BCR: variants seen among roughly 807,000 people sequenced by gnomAD.
BCR encodes BCR activator of RhoGEF and GTPase.
BCR carries 58 observed loss-of-function variants against 138.6 expected under a neutral mutation model. The ratio of observed to expected loss-of-function variants is 0.42; its 90% CI spans 0.34 to 0.52. The LOEUF (loss-of-function observed/expected upper bound fraction) is 0.52, where lower values mean the gene tolerates loss of function less well. BCR is among the 20% of genes least tolerant of loss of function. The pLI is 0.06. For missense variants in BCR, 1,599 were observed against 1,727.2 expected (o/e 0.93, Z 1.32); for synonymous variants, 786 against 730.1 (o/e 1.08, Z -1.23).
At chr22:23,196,432 T>C (rs2072482491) in intron 1 of BCR, among the ~76,000 whole-genome samples, 1 of 152,160 alleles carries the variant, frequency 6.6e-6, no homozygotes, top group African/African-American at 2.4e-5. Flanking sequence ...TCCTGTTTCT[T>C]AGGGGACGAG....
chr22:23,263,916 T>C, intron 4 of BCR: 1 of 934,848 alleles, frequency 1.1e-6, no homozygotes, highest in South Asian at 1.3e-5. Flanking sequence ...GACGGCTTGT[T>C]GTGGGCACTT....
intron 1 of BCR, among the ~76,000 whole-genome samples, chr22:23,219,278 C>A (rs139125562): frequency 6.6e-6 from 1 of 152,178 alleles, no homozygotes; most frequent in East Asian, 1.9e-4. Context: ...AGCGTGCCCA[C>A]CAAAGACACT....
intron 1 of BCR, among the ~76,000 whole-genome samples, chr22:23,183,739 G>A (rs1418744545): frequency 1.3e-5 from 2 of 152,208 alleles, no homozygotes; most frequent in Non-Finnish European, 2.9e-5. Flanking sequence ...AAGAAAATGA[G>A]AGGTTTTTAG....
intron 1 of BCR, among the ~76,000 whole-genome samples, chr22:23,185,649 G>A (rs1003985892): frequency 3.3e-5 from 5 of 150,950 alleles, no homozygotes; most frequent in South Asian, 2.1e-4. Context: ...CTGGGCGACA[G>A]AGCGAGACAC....
intron 1 of BCR, among the ~76,000 whole-genome samples, chr22:23,246,073 G>A (rs1017483195): frequency 6.6e-6 from 1 of 152,172 alleles, no homozygotes; most frequent in Middle Eastern, 3.4e-3. Context: ...CATATTTCCC[G>A]TAGCATCATG....
At position 23,268,380 on chromosome 22, in the gene BCR, CCACTCTCT is replaced by C. The variant is rs1449628189; in HGVS notation, c.1753-26_1753-19del. 2 of 1,560,694 alleles carry C rather than the reference CCACTCTCT, an allele frequency of 1.3e-6. No homozygotes were observed. Among genetic ancestry groups the C allele is most frequent in the Non-Finnish European group, 1.8e-6 (2 of 1,142,834 alleles). ...AGATGGGGGAGCAGCAGCACCTGTC[CCACTCTCT>C]CTTCCTTCCTCCCCCTCAGGCCAGC... On this transcript the variant is annotated intron_variant, in intron 4 of 22. Coordinates refer to ENST00000305877, the MANE Select transcript of BCR (RefSeq NM_004327.4).
intron 8 of BCR, among the ~76,000 whole-genome samples, chr22:23,276,857 A>T (rs1291247901): frequency 6.6e-6 from 1 of 152,242 alleles, no homozygotes; most frequent in Non-Finnish European, 1.5e-5. Flanking sequence ...CTACCAGTGT[A>T]CTGATTTGGG....
At chr22:23,198,803 G>A (rs2072512755) in intron 1 of BCR, among the ~76,000 whole-genome samples, 1 of 152,164 alleles carries the variant, frequency 6.6e-6, no homozygotes, top group Non-Finnish European at 1.5e-5. Context: ...CCCTGGAGCA[G>A]CTGGTGAGGT....
At chr22:23,254,460 AAGG>A in intron 2 of BCR, 1 of 517,816 alleles carries the variant, frequency 1.9e-6, no homozygotes, top group Non-Finnish European at 3.9e-6. Flanking sequence ...CCACTTTACA[AAGG>A]TGAAACTGAA....
chr22:23,235,400 C>T (rs1371024297), intron 1 of BCR, among the ~76,000 whole-genome samples: 4 of 144,782 alleles, frequency 2.8e-5, no homozygotes, highest in Non-Finnish European at 6.3e-5. Flanking sequence ...TCCGAATTCC[C>T]TGAAAGCAGC....
chr22:23,240,302 CGTGT>C (rs200491524), intron 1 of BCR, among the ~76,000 whole-genome samples: 9,128 of 144,024 alleles, frequency 0.063, 438 homozygotes, highest in African/African-American at 0.13. Context: ...CCTGGCTGAT[CGTGT>C]GTGTGTGTGT....
chr22:23,254,570 C>CA (rs764338675), intron 2 of BCR: 2 of 455,058 alleles, frequency 4.4e-6, no homozygotes, highest in Admixed American at 2.2e-5. Context: ...TGGACCCACG[C>CA]CCCCCCTCAC....
chr22:23,299,933 T>A (rs778332058), intron 16 of BCR, among the ~76,000 whole-genome samples: 1 of 152,090 alleles, frequency 6.6e-6, no homozygotes, highest in South Asian at 2.1e-4. Flanking sequence ...GAGTTTGGAC[T>A]CCCACGTGCA....
At chr22:23,201,559 G>A (rs2072553873) in intron 1 of BCR, among the ~76,000 whole-genome samples, 1 of 152,170 alleles carries the variant, frequency 6.6e-6, no homozygotes, top group Non-Finnish European at 1.5e-5. Flanking sequence ...CTGGGTTCAT[G>A]CCATTCTCCT....
intron 13 of BCR, 62 bp downstream of exon 13, chr22:23,289,683 G>A: frequency 7.1e-7 from 1 of 1,400,778 alleles, no homozygotes; most frequent in Non-Finnish European, 1.0e-6. Flanking sequence ...TAGCCTGAAG[G>A]CTGATCCCCC....
At chr22:23,191,956 AG>A (rs1379741168) in intron 1 of BCR, among the ~76,000 whole-genome samples, 1 of 152,108 alleles carries the variant, frequency 6.6e-6, no homozygotes, top group Non-Finnish European at 1.5e-5. Flanking sequence ...CCGAATCCTC[AG>A]ACTGGGGCCT....
At position 23,182,106 on chromosome 22, in the gene BCR, T is replaced by TC; in HGVS notation, c.1152dup (p.Thr385HisfsTer6). 1 of 1,612,076 alleles carries TC rather than the reference T, an allele frequency of 6.2e-7. No individual in the cohort carries two copies. The highest frequency in any genetic ancestry group is 8.5e-7 in the Non-Finnish European group (1 of 1,179,960). ...CGCAACAGTCCTTCGACAGCAGCAG[T>TC]CCCCCCACGCCGCAGTGCCATAAGC... On this transcript the variant is annotated frameshift_variant, in exon 1 of 23. Transcript: ENST00000305877. LOFTEE classifies it high-confidence loss of function.
At chr22:23,294,101 G>A (rs532193152) in intron 15 of BCR, among the ~76,000 whole-genome samples, 2 of 152,208 alleles carry the variant, frequency 1.3e-5, no homozygotes, top group East Asian at 3.9e-4. Flanking sequence ...AGCGGTTTTA[G>A]GTTTGCAGCA....
At chr22:23,237,910 G>T (rs1490341871) in intron 1 of BCR, among the ~76,000 whole-genome samples, 1 of 152,226 alleles carries the variant, frequency 6.6e-6, no homozygotes, top group East Asian at 1.9e-4. Context: ...GGTTTTTCTG[G>T]AAAGGAGCGA....
Sources: gnomAD v4.1 joint callset for allele counts (sites outside exome capture counted in the v4.1 genomes callset) on GRCh38, gnomAD v4.1.1 for gene constraint, MANE v1.5 for transcripts, NCBI Gene and HGNC (gene_info 2026-07-23, HGNC 2026-07-21) for gene names.